The following SUMF1 variants were observed in gnomAD, a reference collection of about 807,000 sequenced individuals.
SUMF1 encodes the protein formylglycine-generating enzyme.
A neutral mutation model predicts 47.6 loss-of-function variants in SUMF1; 48 were observed. The ratio of observed to expected loss-of-function variants is 1.01; its 90% CI spans 0.80 to 1.28. The LOEUF (loss-of-function observed/expected upper bound fraction) is 1.28, where lower values mean the gene tolerates loss of function less well. SUMF1 is among the 50% of genes most tolerant of loss of function. The probability of loss-of-function intolerance (pLI) is 0.00; values close to 1 mark genes in which losing one functional copy is unlikely to be tolerated. For synonymous variants in SUMF1, 230 were observed against 192.1 expected (o/e 1.20, Z -1.63); for missense variants, 571 against 485.4 (o/e 1.18, Z -1.66).
intron 8 of SUMF1, among the ~76,000 whole-genome samples, chr3:4,296,380 G>C (rs148946322): frequency 2.1e-4 from 32 of 151,692 alleles, no homozygotes; most frequent in African/African-American, 7.7e-4. Context: ...TCTATACAGA[G>C]CTGTATGAGT....
chr3:4,173,579 C>T (rs951088922), intron 8 of SUMF1, among the ~76,000 whole-genome samples: 2 of 152,078 alleles, frequency 1.3e-5, no homozygotes, highest in African/African-American at 4.8e-5. Flanking sequence ...CATATGCATA[C>T]GTATGTTTAT....
At chr3:4,265,233 G>C (rs941905354) in intron 8 of SUMF1, among the ~76,000 whole-genome samples, 21 of 150,062 alleles carry the variant, frequency 1.4e-4, no homozygotes, top group African/African-American at 4.7e-4. Context: ...GAATATTTTT[G>C]CTACTATTCT....
Position 4,134,106 on chromosome 3 carries a change from C to T in SUMF1, c.1015-65361G>A, listed in dbSNP as rs139458918. Among the ~76,000 whole-genome samples the T allele has an allele frequency of 4.9e-3, 746 of 152,218 alleles. 8 individuals carry two copies. The highest frequency in any genetic ancestry group is 0.017 in the African/African-American group (707 of 41,512). On this transcript the variant is annotated intron_variant and NMD_transcript_variant, in intron 8 of 12. Transcript: ENST00000448413. The stretch of plus-strand genomic sequence containing the variant: ...TATCCAGGAATTGAACTCAGCTCTG[C>T]ACCACGCAGACCTAATAGACATCTA...
At chr3:4,460,598 C>CTGTGTG (rs1209106291) in intron 1 of SUMF1, among the ~76,000 whole-genome samples, 1 of 136,368 alleles carries the variant, frequency 7.3e-6, no homozygotes, top group African/African-American at 2.8e-5. Context: ...CTCACACACA[C>CTGTGTG]AGTGTGTGTG....
At chr3:4,125,145 A>T (rs1053318631) in intron 8 of SUMF1, among the ~76,000 whole-genome samples, 1 of 152,158 alleles carries the variant, frequency 6.6e-6, no homozygotes, top group African/African-American at 2.4e-5. Flanking sequence ...ATTTGTAGAT[A>T]GCATAAAGCT....
intron 8 of SUMF1, among the ~76,000 whole-genome samples, chr3:4,280,814 CGTGTGTGT>C (rs56919301): frequency 0.062 from 8,536 of 137,648 alleles, 303 homozygotes; most frequent in Non-Finnish European, 0.079. Flanking sequence ...TGGCATTCAC[CGTGTGTGT>C]GTGTGTGTGT....
chr3:4,386,736 A>G (rs78002464), intron 7 of SUMF1, among the ~76,000 whole-genome samples: 3,710 of 152,154 alleles, frequency 0.024, 145 homozygotes, highest in African/African-American at 0.085. Context: ...GTAGGTATAC[A>G]GTTTCTTTGT....
rs190118894 is a variant in SUMF1 at position 4,180,655 on chromosome 3, C to T, written c.1015-111910G>A. 8.9e-3 allele frequency among the ~76,000 whole-genome samples: 889 copies of T among 100,020 alleles called. 16 individuals are homozygous for T. The highest frequency in any genetic ancestry group is 0.029 in the African/African-American group (850 of 29,442). The allele number at this position is 100,020 out of a possible 152,430, so 65.6% of individuals were successfully genotyped here. A position where few individuals can be genotyped will look rare whatever the true frequency, so the allele number is the denominator to read the frequency against. On this transcript the variant is annotated intron_variant and NMD_transcript_variant, in intron 8 of 12. Coordinates refer to the SUMF1 transcript ENST00000448413. ...CATGTATACCTATGTATCAAACCTG[C>T]ACATTGTGCACATGTACCCTAGAAC...
chr3:4,346,197 C>G (rs1472442080), intron 8 of SUMF1, among the ~76,000 whole-genome samples: 1 of 152,182 alleles, frequency 6.6e-6, no homozygotes, highest in African/African-American at 2.4e-5. Context: ...ATCTACAGAA[C>G]TCTCTACCCC....
At chr3:4,048,725 C>A (rs551190111) in intron 9 of SUMF1, among the ~76,000 whole-genome samples, 1 of 152,238 alleles carries the variant, frequency 6.6e-6, no homozygotes, top group South Asian at 2.1e-4. Context: ...AGTCATGGAC[C>A]TTATACAAGT....
At chr3:4,087,807 A>G (rs1020272788) in intron 8 of SUMF1, among the ~76,000 whole-genome samples, 2 of 152,170 alleles carry the variant, frequency 1.3e-5, no homozygotes, top group African/African-American at 4.8e-5. Context: ...CACCATATTT[A>G]GTGAATGAAA....
chr3:4,265,652 G>A (rs977912417), intron 8 of SUMF1, among the ~76,000 whole-genome samples: 5 of 152,138 alleles, frequency 3.3e-5, no homozygotes, highest in African/African-American at 1.2e-4. Context: ...TGAGTAGGTT[G>A]CGAAAATTTT....
chr3:4,303,672 A>T (rs1307892889), intron 8 of SUMF1: 2 of 1,487,882 alleles, frequency 1.3e-6, no homozygotes, highest in Non-Finnish European at 9.0e-7. Context: ...ATAGGTGTGC[A>T]TGCCCCGGCC....
intron 8 of SUMF1, among the ~76,000 whole-genome samples, chr3:4,264,670 A>G (rs1697152834): frequency 1.3e-5 from 2 of 152,316 alleles, no homozygotes; most frequent in Admixed American, 6.5e-5. Flanking sequence ...GGGTGATAAA[A>G]TGGGTACTTT....
At chr3:4,322,574 C>G (rs919782138) in intron 8 of SUMF1, among the ~76,000 whole-genome samples, 1 of 151,872 alleles carries the variant, frequency 6.6e-6, no homozygotes, top group Admixed American at 6.6e-5. Context: ...GCAGGAGGAT[C>G]CCTTGACCCT....
chr3:4,423,931 G>A (rs775708149), intron 3 of SUMF1, among the ~76,000 whole-genome samples: 36 of 152,126 alleles, frequency 2.4e-4, no homozygotes, highest in Non-Finnish European at 4.0e-4. Flanking sequence ...TGCCATGATC[G>A]AAAGGCCTGA....
intron 9 of SUMF1, among the ~76,000 whole-genome samples, chr3:4,034,579 T>C (rs1694758956): frequency 6.6e-6 from 1 of 152,126 alleles, no homozygotes; most frequent in Non-Finnish European, 1.5e-5. Flanking sequence ...AATCTGCATT[T>C]GGTGATTCTC....
intron 8 of SUMF1, among the ~76,000 whole-genome samples, chr3:4,278,328 C>T (rs1000463332): frequency 6.6e-5 from 10 of 151,992 alleles, no homozygotes; most frequent in East Asian, 3.9e-4. Flanking sequence ...TTTTGTTTTC[C>T]ATTAAAGGAG....
chr3:4,109,299 A>T (rs1225605304), intron 8 of SUMF1, among the ~76,000 whole-genome samples: 1 of 152,110 alleles, frequency 6.6e-6, no homozygotes, highest in East Asian at 1.9e-4. Context: ...GATCCGCTGT[A>T]AGTCTGATGG....
Sources: allele counts gnomAD v4.1 joint callset (sites outside exome capture counted in the v4.1 genomes callset), GRCh38; gene constraint gnomAD v4.1.1; transcripts MANE v1.5; gene names NCBI Gene and HGNC (gene_info 2026-07-23, HGNC 2026-07-21).